The following TTLL8 variants were observed in gnomAD, a reference collection of about 807,000 sequenced individuals.
TTLL8 encodes the protein protein monoglycylase TTLL8.
TTLL8 carries 65 observed loss-of-function variants against 77.8 expected under a neutral mutation model. The observed-to-expected ratio is 0.84, with a 90% CI of 0.68 to 1.03. TTLL8 has a LOEUF of 1.03. TTLL8 is among the 50% of genes least tolerant of loss of function. The pLI is 0.00. For missense variants in TTLL8, 910 were observed against 1,004.5 expected, an observed-to-expected ratio of 0.91 and a Z score of 1.27; for synonymous variants, 402 against 422.8, an observed-to-expected ratio of 0.95 and a Z score of 0.60.
intron 1 of TTLL8, chr22:50,054,477 T>A (rs1390498054): frequency 6.0e-6 from 1 of 167,634 alleles, no homozygotes; most frequent in East Asian, 1.9e-4. Context: ...CCCAGGGCCA[T>A]AATGTTGGGG....
chr22:50,046,785 G>A (rs2061414877), intron 4 of TTLL8, among the ~76,000 whole-genome samples: 1 of 152,226 alleles, frequency 6.6e-6, no homozygotes, highest in Non-Finnish European at 1.5e-5. Flanking sequence ...AAGCTGCTTT[G>A]TGCAGGGCTG....
At chr22:50,027,796 G>A in intron 12 of TTLL8, 1 of 985,478 alleles carries the variant, frequency 1.0e-6, no homozygotes. Flanking sequence ...GAGGCCGAGG[G>A]GCACATGGAG....
intron 12 of TTLL8, among the ~76,000 whole-genome samples, chr22:50,024,372 G>A (rs556192661): frequency 7.2e-5 from 11 of 152,194 alleles, no homozygotes; most frequent in African/African-American, 1.9e-4. Flanking sequence ...TGATCCGCCC[G>A]CCTCGGCCTC....
chr22:50,054,274 G>A (rs1293216549), intron 1 of TTLL8, among the ~76,000 whole-genome samples: 6 of 152,176 alleles, frequency 3.9e-5, no homozygotes, highest in Non-Finnish European at 7.4e-5. Flanking sequence ...TTCCAAGCAT[G>A]GCAGACCTGG....
chr22:50,046,546 G>A (rs1296513487), intron 4 of TTLL8, among the ~76,000 whole-genome samples: 2 of 152,260 alleles, frequency 1.3e-5, no homozygotes, highest in African/African-American at 4.8e-5. Flanking sequence ...AAGGGGCCAT[G>A]TTGCCACTAG....
chr22:50,056,451 G>A (rs2061471255), upstream of TTLL8, among the ~76,000 whole-genome samples: 1 of 152,190 alleles, frequency 6.6e-6, no homozygotes, highest in African/African-American at 2.4e-5. The surrounding 1 kb of genome is among the most constrained non-coding windows in gnomAD (Gnocchi z 4.1). Context: ...ACGGTTGGGG[G>A]ACCTTCTAAA....
chr22:50,041,952 G>T lies in TTLL8; in HGVS notation c.644-145C>A. ...ACCCAACAAGTATCCCAGATCCCCA[G>T]ACAGGCACCCCAATACCCAACCAAG... On this transcript the variant is annotated intron_variant, in intron 6 of 13. Transcript: ENST00000266182. This position sits in a 1 kb window ranked among gnomAD's most constrained non-coding sequence, Gnocchi z 4.3. 1.4e-6 allele frequency: 1 copy of T among 736,654 alleles called. No homozygotes were observed. The highest frequency in any genetic ancestry group is 1.9e-6 in the Non-Finnish European group (1 of 528,988). 45.6% of individuals were successfully genotyped at this position (736,654 alleles called of 1,614,324 possible).
chr22:50,040,438 G>A (rs181099792), intron 8 of TTLL8, among the ~76,000 whole-genome samples: 1 of 152,272 alleles, frequency 6.6e-6, no homozygotes, highest in East Asian at 1.9e-4. Context: ...AGCACAGACT[G>A]TTCCCCAAAT....
At chr22:50,031,656 C>T (rs1171639650) in intron 11 of TTLL8, 30 bp downstream of exon 12, 1 of 1,236,930 alleles carries the variant, frequency 8.1e-7, no homozygotes. Context: ...CGGGCGGCCA[C>T]CAAAGTCCCC....
chr22:50,032,134 G>T, intron 10 of TTLL8, 25 bp from the exon 12 acceptor site: 1 of 1,335,376 alleles, frequency 7.5e-7, no homozygotes, highest in Non-Finnish European at 9.9e-7. Flanking sequence ...AGGGGCAGGT[G>T]CTCAGCCTCC....
rs551552452 is a variant in TTLL8 at position 50,041,063 on chromosome 22, C to T, written c.921+124G>A. On this transcript the variant is annotated intron_variant, in intron 8 of 13. Transcript: ENST00000266182. The surrounding 1 kb of genome is among the most constrained non-coding windows in gnomAD (Gnocchi z 4.3). The stretch of plus-strand genomic sequence containing the variant: ...TCACCAGCTGCCAAGCTCTGGGCCT[C>T]GGCACACCTCTGCCAGTCACTCGCC... The T allele has an allele frequency of 7.1e-5, 24 of 336,112 alleles. No homozygotes were observed. The East Asian group carries it at 1.6e-3, about 22-fold the overall frequency. 20.8% of individuals were successfully genotyped at this position (336,112 alleles called of 1,614,324 possible).
chr22:50,047,147 G>A (rs755325053), intron 4 of TTLL8, 21 bp downstream of exon 6: 56 of 1,366,598 alleles, frequency 4.1e-5, no homozygotes, highest in Non-Finnish European at 5.1e-5. Context: ...CTCCCGCCAC[G>A]CTCAAGCGCG....
At chr22:50,040,633 G>A (rs1435751037) in intron 8 of TTLL8, among the ~76,000 whole-genome samples, 1 of 152,312 alleles carries the variant, frequency 6.6e-6, no homozygotes, top group South Asian at 2.1e-4. Context: ...GTACAAATAT[G>A]ATTATACACT....
chr22:50,048,930 G>A (rs1022078419), intron 3 of TTLL8, among the ~76,000 whole-genome samples: 2 of 152,314 alleles, frequency 1.3e-5, no homozygotes, highest in East Asian at 1.9e-4. Context: ...CACACCAGCC[G>A]GGCTGTCCGA....
At chr22:50,048,039 G>C (rs1601935927) in intron 3 of TTLL8, among the ~76,000 whole-genome samples, 1 of 152,262 alleles carries the variant, frequency 6.6e-6, no homozygotes, top group Admixed American at 6.5e-5. Context: ...AGAGGTTGCA[G>C]TGAGCCGAGA....
At chr22:50,046,075 G>GT in intron 4 of TTLL8, 105 bp from the exon 7 acceptor site, 2 of 1,066,854 alleles carry the variant, frequency 1.9e-6, no homozygotes, top group Non-Finnish European at 2.5e-6. Flanking sequence ...CTGGCTATGG[G>GT]GCACCACACA....
chr22:50,051,657 C>T (rs1054602841), intron 1 of TTLL8, among the ~76,000 whole-genome samples: 10 of 152,114 alleles, frequency 6.6e-5, no homozygotes, highest in Non-Finnish European at 5.9e-5. Flanking sequence ...CCACCAGCAG[C>T]GTAAAAGTGT....
upstream of TTLL8, among the ~76,000 whole-genome samples, chr22:50,056,409 G>A (rs1025661282): frequency 3.9e-5 from 6 of 152,134 alleles, no homozygotes; most frequent in African/African-American, 1.2e-4. This position sits in a 1 kb window ranked among gnomAD's most constrained non-coding sequence, Gnocchi z 4.1. Flanking sequence ...GGACGGGGGC[G>A]GGGGCACCGG....
chr22:50,030,527 G>A, exon 12 of TTLL8: 1 of 1,331,564 alleles, frequency 7.5e-7, no homozygotes, highest in South Asian at 1.2e-5. Flanking sequence ...TTGGATCCCA[G>A]CTTTTGGCGG....
Sources: gnomAD v4.1 joint callset for allele counts (sites outside exome capture counted in the v4.1 genomes callset) on GRCh38, gnomAD v4.1.1 for gene constraint, Gnocchi (gnomAD v3.1) non-coding constraint, MANE v1.5 for transcripts, NCBI Gene and HGNC (gene_info 2026-07-23, HGNC 2026-07-21) for gene names.